The following GALNT13 variants were observed in gnomAD, a reference collection of about 807,000 sequenced individuals.
The protein encoded by GALNT13 is UDP-GalNAc:polypeptide N-acetylgalactosaminyltransferase 13.
In GALNT13, 28 loss-of-function variants were observed where a neutral mutation model predicts 64.2. The observed-to-expected ratio is 0.44, with a 90% CI of 0.32 to 0.60. GALNT13 has a LOEUF of 0.60. Among genes scored for constraint, GALNT13 ranks in the 20% least tolerant of loss-of-function variants. The pLI is 0.05. For missense variants in GALNT13, 577 were observed against 669.8 expected (o/e 0.86, Z 1.53); for synonymous variants, 214 against 224.6 (o/e 0.95, Z 0.42).
chr2:154,133,050 C>T (rs186831955), intron 3 of GALNT13, among the ~76,000 whole-genome samples: 3 of 152,206 alleles, frequency 2.0e-5, no homozygotes, highest in Non-Finnish European at 4.4e-5. Context: ...TGTGGGCATC[C>T]ACTGTAGTGC....
chr2:154,283,937 G>A (rs1225437457), intron 8 of GALNT13, among the ~76,000 whole-genome samples: 1 of 152,120 alleles, frequency 6.6e-6, no homozygotes, highest in East Asian at 1.9e-4. Flanking sequence ...TGCCTGATAG[G>A]GAGGACATAA....
the GALNT13 span, among the ~76,000 whole-genome samples, chr2:153,468,400 G>T: frequency 6.6e-6 from 1 of 152,082 alleles, no homozygotes; most frequent in Non-Finnish European, 1.5e-5. Context: ...CAAATGCAAA[G>T]AATTCAGTCA....
At chr2:153,594,527 A>AT in the GALNT13 span, among the ~76,000 whole-genome samples, 8,779 of 151,746 alleles carry the variant, frequency 0.058, 409 homozygotes, top group African/African-American at 0.13. Flanking sequence ...AATTATCCTC[A>AT]TTTTTTTTGT....
At chr2:154,308,456 C>T (rs1306171466) in intron 9 of GALNT13, among the ~76,000 whole-genome samples, 2 of 152,048 alleles carry the variant, frequency 1.3e-5, no homozygotes, top group Non-Finnish European at 2.9e-5. Flanking sequence ...TATTTAATAA[C>T]CAGCTCTTTG....
chr2:153,701,924 A>G, the GALNT13 span, among the ~76,000 whole-genome samples: 1 of 152,224 alleles, frequency 6.6e-6, no homozygotes, highest in Admixed American at 6.5e-5. Flanking sequence ...TAGTGTGGCT[A>G]TTCCTCAAGG....
the GALNT13 span, among the ~76,000 whole-genome samples, chr2:153,538,051 A>G: frequency 2.0e-5 from 3 of 152,180 alleles, no homozygotes; most frequent in Non-Finnish European, 4.4e-5. Flanking sequence ...GGGACTCAGA[A>G]GAAATGTGGG....
chr2:154,059,793 G>A (rs1459119972), intron 3 of GALNT13, among the ~76,000 whole-genome samples: 2 of 152,104 alleles, frequency 1.3e-5, no homozygotes, highest in African/African-American at 4.8e-5. Flanking sequence ...CAGACAAGAT[G>A]CCTGCGGGAA....
the GALNT13 span, among the ~76,000 whole-genome samples, chr2:153,476,992 A>C: frequency 6.6e-6 from 1 of 152,268 alleles, no homozygotes; most frequent in East Asian, 1.9e-4. Flanking sequence ...TTAGCGGTGT[A>C]ATCCTGTGTT....
chr2:153,968,588 A>G (rs964347510), intron 3 of GALNT13, among the ~76,000 whole-genome samples: 2 of 152,058 alleles, frequency 1.3e-5, no homozygotes, highest in South Asian at 2.1e-4. Context: ...CCTTGCATGG[A>G]TAGTTGTTGA....
the GALNT13 span, among the ~76,000 whole-genome samples, chr2:153,504,778 G>T: frequency 6.6e-6 from 1 of 152,100 alleles, no homozygotes; most frequent in Admixed American, 6.5e-5. Context: ...GTTGGATTTG[G>T]CTAGCTCGTA....
Position 154,410,554 on chromosome 2 carries a change from CCTAGAGGCT to C in GALNT13, c.1395+1476_1395+1484del, listed in dbSNP as rs1204660758. Among the ~76,000 whole-genome samples the C allele has an allele frequency of 2.6e-5, 4 of 151,786 alleles. No individual in the cohort carries two copies. In the East Asian group the frequency reaches 5.8e-4, roughly 22 times the overall value. ...TTCTTTTAGGAAAAGCAAAAGCCTT[CCTAGAGGCT>C]CTACACGTCTCAGTGTATCTCTCTT... On this transcript the variant is annotated intron_variant, in intron 11 of 12. Transcript: ENST00000392825.
At chr2:154,324,321 AT>A (rs1274135092) in intron 9 of GALNT13, among the ~76,000 whole-genome samples, 8 of 151,862 alleles carry the variant, frequency 5.3e-5, no homozygotes, top group African/African-American at 1.9e-4. Context: ...CTTGTTTCTA[AT>A]AATTTTAAAA....
intron 4 of GALNT13, among the ~76,000 whole-genome samples, chr2:154,146,496 T>C (rs1483645028): frequency 1.3e-5 from 2 of 152,052 alleles, no homozygotes; most frequent in African/African-American, 2.4e-5. Flanking sequence ...TTAAAGCACA[T>C]AGCTGAGTAA....
the GALNT13 span, among the ~76,000 whole-genome samples, chr2:153,448,155 G>T: frequency 6.6e-5 from 10 of 152,246 alleles, no homozygotes; most frequent in East Asian, 1.7e-3. Context: ...TTAGGGTACT[G>T]ATATGGATAA....
chr2:154,298,787 T>TA (rs1245193481), intron 8 of GALNT13, among the ~76,000 whole-genome samples: 2 of 118,614 alleles, frequency 1.7e-5, no homozygotes, highest in African/African-American at 6.6e-5. Context: ...TATTTATATA[T>TA]TATATTATTT....
the GALNT13 span, among the ~76,000 whole-genome samples, chr2:153,312,224 C>T: frequency 6.6e-6 from 1 of 152,082 alleles, no homozygotes; most frequent in Non-Finnish European, 1.5e-5. Context: ...ATGGATTTGT[C>T]CTGCAGAGGG....
chr2:153,387,137 A>G, the GALNT13 span, among the ~76,000 whole-genome samples: 1 of 152,150 alleles, frequency 6.6e-6, no homozygotes, highest in African/African-American at 2.4e-5. Context: ...AGAAGAAATG[A>G]AAGATAATTC....
chr2:153,344,661 A>G, the GALNT13 span, among the ~76,000 whole-genome samples: 13 of 152,198 alleles, frequency 8.5e-5, no homozygotes, highest in Non-Finnish European at 1.8e-4. Context: ...TGGATAAGCT[A>G]TGAAGATCAA....
At chr2:153,081,483 G>A in the GALNT13 span, among the ~76,000 whole-genome samples, 14 of 151,646 alleles carry the variant, frequency 9.2e-5, no homozygotes, top group Non-Finnish European at 5.9e-5. Context: ...TTTTTCCTAC[G>A]CATTGACTAT....
Sources: gnomAD v4.1 joint callset for allele counts (sites outside exome capture counted in the v4.1 genomes callset) on GRCh38, gnomAD v4.1.1 for gene constraint, MANE v1.5 for transcripts, NCBI Gene and HGNC (gene_info 2026-07-23, HGNC 2026-07-21) for gene names.